The following ARHGAP18 variants were observed in gnomAD, a reference collection of about 807,000 sequenced individuals.
The protein encoded by ARHGAP18 is Rho GTPase activating protein 18, also known as rho GTPase-activating protein 18.
A neutral mutation model predicts 86.2 loss-of-function variants in ARHGAP18; 67 were observed. That is an observed-to-expected ratio of 0.78 (90% CI 0.64 to 0.95). ARHGAP18 has a LOEUF of 0.95. Ranked by LOEUF, ARHGAP18 falls within the 40% of genes least tolerant of loss-of-function variation. The pLI, the probability that ARHGAP18 is intolerant of heterozygous loss-of-function variation, is 0.00. For missense variants in ARHGAP18, 691 were observed against 780.4 expected (o/e 0.89, Z 1.37); for synonymous variants, 283 against 280.4 (o/e 1.01, Z -0.09).
At chr6:129,598,668 AT>A (rs1037177856) in intron 12 of ARHGAP18, among the ~76,000 whole-genome samples, 17 of 152,086 alleles carry the variant, frequency 1.1e-4, no homozygotes, top group East Asian at 1.9e-4. Context: ...AAACATCTTA[AT>A]TTTTTTCTTT....
intron 1 of ARHGAP18, among the ~76,000 whole-genome samples, chr6:129,646,275 G>A (rs1313359644): frequency 6.6e-6 from 1 of 152,172 alleles, no homozygotes; most frequent in African/African-American, 2.4e-5. Flanking sequence ...AAAATGGGAA[G>A]AATAACAATG....
chr6:129,690,621 T>C (rs998481727), intron 1 of ARHGAP18, among the ~76,000 whole-genome samples: 1 of 152,188 alleles, frequency 6.6e-6, no homozygotes, highest in Non-Finnish European at 1.5e-5. Context: ...ACTATAAATA[T>C]TCACTTTGAA....
chr6:129,597,851 A>C (rs1382181433), intron 12 of ARHGAP18, among the ~76,000 whole-genome samples: 1 of 152,200 alleles, frequency 6.6e-6, no homozygotes, highest in East Asian at 1.9e-4. Flanking sequence ...CTCAGACCAG[A>C]TCATGTCTAA....
Position 129,693,812 on chromosome 6 carries a change from A to T in ARHGAP18, c.113+16212T>A, listed in dbSNP as rs571284138. On this transcript the variant is annotated intron_variant, in intron 1 of 14. Transcript: ENST00000368149. ...GGATAATAATTCTCATCTTATGAGG[A>T]TTAAACAAATTCCATCTTAAAGTAC... Among the ~76,000 whole-genome samples the T allele has an allele frequency of 4.6e-5, 7 of 152,326 alleles. No individual in the cohort carries two copies. The South Asian group carries it at 1.2e-3, about 27-fold the overall frequency.
intron 12 of ARHGAP18, among the ~76,000 whole-genome samples, chr6:129,588,985 G>A (rs1048459722): frequency 6.6e-6 from 1 of 152,230 alleles, no homozygotes; most frequent in Non-Finnish European, 1.5e-5. Context: ...TGGGATTCAG[G>A]GCACCATGTC....
rs938698910 is a variant in ARHGAP18, at chr6:129,589,280, C to A, written c.1714-5168G>T. Among the ~76,000 whole-genome samples, 10 of 152,196 alleles carry A rather than the reference C, an allele frequency of 6.6e-5. 1 individual carries two copies. Among genetic ancestry groups the A allele is most frequent in the Middle Eastern group, 6.8e-3 (2 of 294 alleles). ...TTCTGCTTCCCCTTCAATGCTTTGC[C>A]GCTTAGAAATTTCTTCCACCAGATA... On this transcript the variant is annotated intron_variant, in intron 12 of 14. Coordinates refer to ENST00000368149, the MANE Select transcript of ARHGAP18 (RefSeq NM_033515.3).
chr6:129,603,224 A>G (rs1182907997), intron 10 of ARHGAP18, among the ~76,000 whole-genome samples: 1 of 151,964 alleles, frequency 6.6e-6, no homozygotes, highest in Admixed American at 6.6e-5. Flanking sequence ...GCTCCTACTT[A>G]TAAGTGAGAA....
At chr6:129,647,350 A>G (rs764964605) in intron 1 of ARHGAP18, among the ~76,000 whole-genome samples, 26 of 152,088 alleles carry the variant, frequency 1.7e-4, no homozygotes, top group Non-Finnish European at 2.9e-5. Flanking sequence ...ATATTTAACT[A>G]TCTGGTCCAA....
Position 129,608,066 on chromosome 6 carries a change from A to G in ARHGAP18, c.1123-14T>C, listed in dbSNP as rs751258557. 143 of 307,048 alleles carry G rather than the reference A, an allele frequency of 4.7e-4. No individual in the cohort carries two copies. The South Asian group carries it at 4.7e-3, about 10-fold the overall frequency. The allele number at this position is 307,048 out of a possible 1,614,324, so 19.0% of individuals were successfully genotyped here. A position where few individuals can be genotyped will look rare whatever the true frequency, so the allele number is the denominator to read the frequency against. ...TTGGCAAAGATTCTGATAGGCACGA[A>G]AAAAAAAAAAAAAAAAAAAAGAAGC... On this transcript the variant is annotated splice_polypyrimidine_tract_variant and intron_variant, in intron 8 of 14. Coordinates refer to ENST00000368149, the MANE Select transcript of ARHGAP18 (RefSeq NM_033515.3).
intron 8 of ARHGAP18, among the ~76,000 whole-genome samples, chr6:129,608,448 T>C (rs1788904123): frequency 6.6e-6 from 1 of 152,102 alleles, no homozygotes; most frequent in Non-Finnish European, 1.5e-5. Flanking sequence ...TGTTTTAAAT[T>C]TAGAAGTATA....
At chr6:129,631,956 G>C (rs2114490171) in intron 4 of ARHGAP18, among the ~76,000 whole-genome samples, 1 of 152,258 alleles carries the variant, frequency 6.6e-6, no homozygotes, top group Non-Finnish European at 1.5e-5. Context: ...AATTTGGAAT[G>C]TGACAACCCT....
intron 5 of ARHGAP18, among the ~76,000 whole-genome samples, chr6:129,625,231 A>G (rs1160452901): frequency 4.3e-5 from 4 of 92,228 alleles, no homozygotes; most frequent in Non-Finnish European, 3.7e-5. Context: ...TATATGATAT[A>G]TGATATATAT....
Position 129,657,429 on chromosome 6 carries a change from T to TA in ARHGAP18, c.114-15412dup, listed in dbSNP as rs373569721. Among the ~76,000 whole-genome samples, 1,268 of 136,594 alleles carry TA rather than the reference T, an allele frequency of 9.3e-3. 9 individuals are homozygous for TA. The highest frequency in any genetic ancestry group is 0.014 in the African/African-American group (523 of 36,948). The allele number at this position is 136,594 out of a possible 152,430, so 89.6% of individuals were successfully genotyped here. A position where few individuals can be genotyped will look rare whatever the true frequency, so the allele number is the denominator to read the frequency against. ...CACTCATTGTCACCATTTTTGAAAT[T>TA]AAAAAAAAAAAAAAAACAACTTAAT... On this transcript the variant is annotated intron_variant, in intron 1 of 14. Transcript: ENST00000368149.
intron 7 of ARHGAP18, among the ~76,000 whole-genome samples, chr6:129,611,915 A>G (rs2114462145): frequency 6.6e-6 from 1 of 152,368 alleles, no homozygotes; most frequent in Admixed American, 6.5e-5. Flanking sequence ...AACTAAGAAC[A>G]TCTATTTATT....
intron 13 of ARHGAP18, among the ~76,000 whole-genome samples, chr6:129,581,044 G>A (rs1376098507): frequency 1.3e-5 from 2 of 152,170 alleles, no homozygotes; most frequent in Admixed American, 6.5e-5. Context: ...AGATTTAACT[G>A]GTCTAGGATA....
At chr6:129,657,030 G>C (rs954884266) in intron 1 of ARHGAP18, among the ~76,000 whole-genome samples, 1 of 152,134 alleles carries the variant, frequency 6.6e-6, no homozygotes, top group African/African-American at 2.4e-5. Flanking sequence ...ACAGATAATA[G>C]CATATCATCT....
chr6:129,597,600 T>C (rs1339411416), intron 12 of ARHGAP18, among the ~76,000 whole-genome samples: 1 of 152,090 alleles, frequency 6.6e-6, no homozygotes, highest in Non-Finnish European at 1.5e-5. Flanking sequence ...TCTATATGCC[T>C]TCTCCTGGCT....
intron 1 of ARHGAP18, among the ~76,000 whole-genome samples, chr6:129,703,495 T>C (rs144685318): frequency 2.0e-5 from 3 of 152,362 alleles, no homozygotes; most frequent in Non-Finnish European, 4.4e-5. Context: ...CAAGTTTCTC[T>C]AGGAAGGTGT....
At chr6:129,626,972 T>A (rs1231747359) in intron 5 of ARHGAP18, among the ~76,000 whole-genome samples, 1 of 152,068 alleles carries the variant, frequency 6.6e-6, no homozygotes, top group Non-Finnish European at 1.5e-5. Context: ...GTCCTGATCA[T>A]AGTCACAAAA....
Sources: gnomAD v4.1 joint callset for allele counts (sites outside exome capture counted in the v4.1 genomes callset) on GRCh38, gnomAD v4.1.1 for gene constraint, MANE v1.5 for transcripts, NCBI Gene and HGNC (gene_info 2026-07-23, HGNC 2026-07-21) for gene names.